SLC49A4: variants seen among roughly 807,000 people sequenced by gnomAD.
SLC49A4 encodes the protein solute carrier family 49 member 4.
In SLC49A4, 36 loss-of-function variants were observed where a neutral mutation model predicts 50.6. The observed-to-expected ratio is 0.71, with a 90% CI of 0.55 to 0.94. The LOEUF (loss-of-function observed/expected upper bound fraction) is 0.94, where lower values mean the gene tolerates loss of function less well. SLC49A4 is among the 40% of genes least tolerant of loss of function. The pLI is 0.00. For missense variants in SLC49A4, 503 were observed against 605.7 expected (o/e 0.83, Z 1.78); for synonymous variants, 248 against 241.2 (o/e 1.03, Z -0.26).
At chr3:122,833,864 T>C (rs1434744740) in intron 4 of SLC49A4, among the ~76,000 whole-genome samples, 1 of 152,144 alleles carries the variant, frequency 6.6e-6, no homozygotes, top group Non-Finnish European at 1.5e-5. Flanking sequence ...AAGCAGGTGG[T>C]AGTCAATACA....
At chr3:122,824,593 T>A (rs1350865565) in intron 2 of SLC49A4, among the ~76,000 whole-genome samples, 4 of 151,984 alleles carry the variant, frequency 2.6e-5, no homozygotes, top group Non-Finnish European at 4.4e-5. Flanking sequence ...CTTTCTTTCC[T>A]GTCTTTCCTT....
chr3:122,843,824 G>C (rs1002580283), intron 4 of SLC49A4, among the ~76,000 whole-genome samples: 1 of 152,164 alleles, frequency 6.6e-6, no homozygotes, highest in Non-Finnish European at 1.5e-5. Flanking sequence ...CTTCGTAAGT[G>C]ATGCTGCTTC....
In SLC49A4 at chr3:122,879,865, A is replaced by G. The variant is rs1323082524; in HGVS notation, c.*487A>G. 1 of 153,354 alleles carries G rather than the reference A, an allele frequency of 6.5e-6. No individual in the cohort carries two copies. Among genetic ancestry groups the G allele is most frequent in the Non-Finnish European group, 1.5e-5 (1 of 68,602 alleles). The allele number at this position is 153,354 out of a possible 1,614,324, so 9.5% of individuals were successfully genotyped here. On this transcript the variant is annotated 3_prime_UTR_variant, in exon 9 of 9. Coordinates refer to ENST00000261038, the MANE Select transcript of SLC49A4 (RefSeq NM_032839.3). ...GCCAAGAGGTATATCGATGATGGAAATTAGCCACATGTACACTACATTTTT... is the reference window on the plus strand; with the variant it reads ...GCCAAGAGGTATATCGATGATGGAAGTTAGCCACATGTACACTACATTTTT...
intron 4 of SLC49A4, among the ~76,000 whole-genome samples, chr3:122,834,664 A>G (rs1936652847): frequency 6.6e-6 from 1 of 152,186 alleles, no homozygotes; most frequent in African/African-American, 2.4e-5. Context: ...TAGAGAAACA[A>G]TAACAAACCA....
chr3:122,844,048 C>T (rs111894362), intron 4 of SLC49A4, among the ~76,000 whole-genome samples: 148 of 152,264 alleles, frequency 9.7e-4, no homozygotes, highest in African/African-American at 3.3e-3. Context: ...TCCTCATGCA[C>T]GTCACCATAG....
intron 2 of SLC49A4, among the ~76,000 whole-genome samples, chr3:122,824,622 T>C (rs933046816): frequency 1.3e-5 from 2 of 150,632 alleles, no homozygotes; most frequent in African/African-American, 4.9e-5. Flanking sequence ...TTTCTTTCTC[T>C]TTCTTTCTTT....
intron 5 of SLC49A4, among the ~76,000 whole-genome samples, chr3:122,854,227 T>A (rs936143082): frequency 3.3e-5 from 5 of 152,198 alleles, no homozygotes; most frequent in Non-Finnish European, 5.9e-5. Flanking sequence ...AGAGCGATAA[T>A]TTAAGCTTCA....
chr3:122,860,450 A>T (rs1233267911), intron 7 of SLC49A4, among the ~76,000 whole-genome samples: 3 of 152,234 alleles, frequency 2.0e-5, no homozygotes, highest in Non-Finnish European at 2.9e-5. Context: ...GAGCATGGAA[A>T]TGCTTATATT....
chr3:122,857,259 A>AC (rs1937000475), intron 6 of SLC49A4, among the ~76,000 whole-genome samples: 1 of 143,352 alleles, frequency 7.0e-6, no homozygotes, highest in African/African-American at 2.6e-5. Flanking sequence ...ATGAGTCAGA[A>AC]GTAGGAAAAA....
intron 2 of SLC49A4, among the ~76,000 whole-genome samples, chr3:122,813,313 T>C (rs1202495986): frequency 6.6e-6 from 1 of 152,144 alleles, no homozygotes; most frequent in Non-Finnish European, 1.5e-5. Flanking sequence ...CTTTTTGTTG[T>C]TTTTGAAATA....
chr3:122,861,894 A>G (rs1937060942), intron 7 of SLC49A4, among the ~76,000 whole-genome samples: 1 of 152,248 alleles, frequency 6.6e-6, no homozygotes, highest in African/African-American at 2.4e-5. Flanking sequence ...CCTCTAGTTC[A>G]GAGAAGTTCC....
Position 122,879,505 on chromosome 3 carries a change from A to T in SLC49A4, c.*127A>T, listed in dbSNP as rs1937307534. ...AGAAACTTCATTCAGAGGTTTTGTT[A>T]GGTTACAGATTATCACATTAATTTA... On this transcript the variant is annotated 3_prime_UTR_variant, in exon 9 of 9. Transcript: ENST00000261038. 2 of 701,130 alleles carry T rather than the reference A, an allele frequency of 2.9e-6. No homozygotes were observed. Among genetic ancestry groups the T allele is most frequent in the Admixed American group, 2.6e-5 (1 of 38,612 alleles). 43.4% of individuals were successfully genotyped at this position (701,130 alleles called of 1,614,324 possible). A position where few individuals can be genotyped will look rare whatever the true frequency, so the allele number is the denominator to read the frequency against.
At chr3:122,833,854 A>T (rs1346361498) in intron 4 of SLC49A4, among the ~76,000 whole-genome samples, 1 of 152,190 alleles carries the variant, frequency 6.6e-6, no homozygotes, top group Non-Finnish European at 1.5e-5. Flanking sequence ...ATATTAAAAT[A>T]AGCAGGTGGT....
At chr3:122,873,027 G>A (rs560912539) in intron 8 of SLC49A4, among the ~76,000 whole-genome samples, 1 of 152,260 alleles carries the variant, frequency 6.6e-6, no homozygotes, top group Non-Finnish European at 1.5e-5. Context: ...GGAGTTTAAA[G>A]CCTGAGGGAT....
intron 5 of SLC49A4, among the ~76,000 whole-genome samples, chr3:122,850,422 G>C (rs950508986): frequency 1.3e-5 from 2 of 152,134 alleles, no homozygotes; most frequent in Non-Finnish European, 2.9e-5. Flanking sequence ...AGATATCTTG[G>C]GGTAAATGCT....
At position 122,856,761 on chromosome 3, in the gene SLC49A4, C is replaced by T. The variant is rs183130645; in HGVS notation, c.1010+387C>T. The stretch of plus-strand genomic sequence containing the variant: ...TGAGGCAGGAGAATTGCTTGAACCC[C>T]GGGAGGCAGAGGTTGCAGTGAGCCA... On this transcript the variant is annotated intron_variant, in intron 6 of 8. Transcript: ENST00000261038. Among the ~76,000 whole-genome samples the T allele has an allele frequency of 2.2e-3, 339 of 150,752 alleles. 6 individuals carry two copies. In the South Asian group the frequency reaches 0.024, roughly 11 times the overall value.
At position 122,797,919 on chromosome 3, in the gene SLC49A4, T is replaced by C. The variant is rs549283165; in HGVS notation, c.343+2384T>C. On this transcript the variant is annotated intron_variant, in intron 1 of 8. Transcript: ENST00000261038. Reference sequence around the variant, plus strand: ...TCAGTTGAGCCCAGGAAGTAGAGGCTGCAGTGAGCTATGATTGCTCCACTG... The same window carrying C: ...TCAGTTGAGCCCAGGAAGTAGAGGCCGCAGTGAGCTATGATTGCTCCACTG... Among the ~76,000 whole-genome samples the C allele has an allele frequency of 2.0e-5, 3 of 152,318 alleles. No homozygotes were observed. In the South Asian group the frequency reaches 6.2e-4, roughly 32 times the overall value.
At chr3:122,876,671 C>CTGGAAACAGACAAGTACTTATAAG (rs1937271621) in intron 8 of SLC49A4, among the ~76,000 whole-genome samples, 1 of 152,146 alleles carries the variant, frequency 6.6e-6, no homozygotes, top group African/African-American at 2.4e-5. Context: ...AGAGTGGTAG[C>CTGGAAACAGACAAGTACTTATAAG]TGGAAACAGA....
chr3:122,842,784 A>G (rs182270152), intron 4 of SLC49A4, among the ~76,000 whole-genome samples: 103 of 152,256 alleles, frequency 6.8e-4, no homozygotes, highest in Non-Finnish European at 1.3e-3. Flanking sequence ...TTCCTTCTCT[A>G]TAAAGAGTCC....
Sources: allele counts gnomAD v4.1 joint callset (sites outside exome capture counted in the v4.1 genomes callset), GRCh38; gene constraint gnomAD v4.1.1; transcripts MANE v1.5; gene names NCBI Gene and HGNC (gene_info 2026-07-23, HGNC 2026-07-21).